Variants in SENP7 observed in about 807,000 individuals in gnomAD.
SENP7 encodes SUMO specific peptidase 7.
Under a neutral mutation model 141.2 loss-of-function variants are expected in SENP7, and 64 were observed. The ratio of observed to expected loss-of-function variants is 0.45; its 90% CI spans 0.37 to 0.56. The LOEUF (loss-of-function observed/expected upper bound fraction) is 0.56. Ranked by LOEUF, SENP7 falls within the 20% of genes least tolerant of loss-of-function variation. The pLI, the probability that SENP7 is intolerant of heterozygous loss-of-function variation, is 0.00. For missense variants in SENP7, 1,025 were observed against 1,212.2 expected (o/e 0.85, Z 2.29); for synonymous variants, 382 against 426.4 (o/e 0.90, Z 1.28).
chr3:101,335,536 T>C (rs902970234), intron 17 of SENP7, among the ~76,000 whole-genome samples: 5 of 152,172 alleles, frequency 3.3e-5, no homozygotes, highest in African/African-American at 4.8e-5. Flanking sequence ...TGTAGTATCT[T>C]ATGCATCTTA....
At chr3:101,425,083 T>C (rs2061916418) in intron 4 of SENP7, among the ~76,000 whole-genome samples, 1 of 152,238 alleles carries the variant, frequency 6.6e-6, no homozygotes, top group African/African-American at 2.4e-5. Flanking sequence ...CACATGGAAC[T>C]GTGAGTCTAT....
chr3:101,490,670 G>A (rs1045831955), intron 3 of SENP7, among the ~76,000 whole-genome samples: 7 of 152,054 alleles, frequency 4.6e-5, no homozygotes, highest in Non-Finnish European at 1.0e-4. Context: ...TCTTAAGATT[G>A]CCTGTTTAAT....
chr3:101,364,285 A>AT (rs2059979948), intron 10 of SENP7, among the ~76,000 whole-genome samples: 1 of 148,620 alleles, frequency 6.7e-6, no homozygotes, highest in South Asian at 2.1e-4. Context: ...TTTGAACCTT[A>AT]TTTTAGACCT....
chr3:101,428,070 C>T (rs1474070589), intron 4 of SENP7, among the ~76,000 whole-genome samples: 1 of 152,126 alleles, frequency 6.6e-6, no homozygotes, highest in Non-Finnish European at 1.5e-5. Context: ...TGTATATGTG[C>T]CATGTTTTCT....
Position 101,367,894 on chromosome 3 carries a change from C to A in SENP7, c.914G>T (p.Arg305Met), listed in dbSNP as rs1399086095. Residue 305 changes from arginine to methionine, a missense_variant, in exon 8 of 24, where the codon AGG (arginine) becomes ATG (methionine). Transcript: ENST00000394095. The stretch of plus-strand genomic sequence containing the variant: ...AGAATCAGGTAAATTATTTCTAAGC[C>A]TTCTCTTTGTCTTCCTGGAAATCAG... ...LTLISRKTKR[R>M]LRNNLPDSQY... 6.2e-7 allele frequency: 1 copy of A among 1,611,224 alleles called. No individual in the cohort carries two copies. Among genetic ancestry groups the A allele is most frequent in the Non-Finnish European group, 8.5e-7 (1 of 1,177,918 alleles).
chr3:101,481,361 T>TA (rs1256089558), intron 3 of SENP7, among the ~76,000 whole-genome samples: 2 of 152,224 alleles, frequency 1.3e-5, no homozygotes, highest in Non-Finnish European at 2.9e-5. Flanking sequence ...TGAAGGTCAT[T>TA]ATGTTAAGTG....
chr3:101,414,601 A>C, intron 5 of SENP7: 1 of 1,603,848 alleles, frequency 6.2e-7, no homozygotes, highest in Non-Finnish European at 8.5e-7. Flanking sequence ...GACCAAGAAG[A>C]TGAAGGAAGC....
Position 101,456,085 on chromosome 3 carries a change from A to C in SENP7, c.284+2870T>G, listed in dbSNP as rs530170136. Among the ~76,000 whole-genome samples, 3 of 152,322 alleles carry C rather than the reference A, an allele frequency of 2.0e-5. No homozygotes were observed. The East Asian group carries it at 5.8e-4, about 29-fold the overall frequency. ...TAATATTCATACACATTCCCCGGAAATATTTTATGAACATTTTAACATTGT... is the reference window on the plus strand; with the variant it reads ...TAATATTCATACACATTCCCCGGAACTATTTTATGAACATTTTAACATTGT... On this transcript the variant is annotated intron_variant, in intron 4 of 23. Transcript: ENST00000394095.
chr3:101,463,398 CATATAT>C (rs1257100584), intron 3 of SENP7, among the ~76,000 whole-genome samples: 5 of 58,694 alleles, frequency 8.5e-5, no homozygotes, highest in Non-Finnish European at 1.7e-4. Context: ...TATATATATA[CATATAT>C]ATATATATAT....
chr3:101,459,147 G>A (rs763854820), intron 3 of SENP7, 95 bp from the exon 4 acceptor site: 10 of 634,094 alleles, frequency 1.6e-5, no homozygotes, highest in Admixed American at 1.1e-4. Flanking sequence ...TGTTATAAAC[G>A]ATCAAATACA....
At chr3:101,510,843 C>CAAAAAAAAAA (rs377579284) in intron 1 of SENP7, among the ~76,000 whole-genome samples, 15 of 78,336 alleles carry the variant, frequency 1.9e-4, no homozygotes, top group East Asian at 4.0e-4. Context: ...GACTCCATCT[C>CAAAAAAAAAA]AAAAAAAAAA....
chr3:101,426,880 A>C lies in SENP7; in HGVS notation c.285-9090T>G, dbSNP rs146106859. On this transcript the variant is annotated intron_variant, in intron 4 of 23. Coordinates refer to ENST00000394095, the MANE Select transcript of SENP7 (RefSeq NM_020654.5). ...GAAAGAAGCACTAAATATGGAAAGG[A>C]AACAATGTTACCAGCCACTACAGAA... Among the ~76,000 whole-genome samples the C allele has an allele frequency of 3.1e-3, 467 of 152,308 alleles. 5 individuals carry two copies. Among genetic ancestry groups the C allele is most frequent in the African/African-American group, 0.01 (430 of 41,586 alleles).
intron 13 of SENP7, among the ~76,000 whole-genome samples, chr3:101,346,524 T>C (rs551442): frequency 0.32 from 48,039 of 152,016 alleles, 8,139 homozygotes; most frequent in Non-Finnish European, 0.38. Context: ...CATCAATCAA[T>C]GAGTGGATAA....
chr3:101,365,426 A>G (rs1294119975), intron 9 of SENP7, among the ~76,000 whole-genome samples: 13 of 150,680 alleles, frequency 8.6e-5, no homozygotes, highest in Admixed American at 6.6e-4. Flanking sequence ...CCCTGAGGTC[A>G]GGAGTTCAAG....
At chr3:101,354,708 T>C (rs1253118507) in intron 11 of SENP7, among the ~76,000 whole-genome samples, 1 of 152,136 alleles carries the variant, frequency 6.6e-6, no homozygotes, top group Non-Finnish European at 1.5e-5. Context: ...TTCACATGTA[T>C]ATGTCTTTAT....
chr3:101,487,598 T>C (rs2064785559), intron 3 of SENP7, among the ~76,000 whole-genome samples: 1 of 152,234 alleles, frequency 6.6e-6, no homozygotes, highest in African/African-American at 2.4e-5. Flanking sequence ...TTTGAGGTTT[T>C]ACATTTAAAT....
At chr3:101,484,952 A>G (rs2108056791) in intron 3 of SENP7, among the ~76,000 whole-genome samples, 1 of 152,118 alleles carries the variant, frequency 6.6e-6, no homozygotes, top group South Asian at 2.1e-4. Flanking sequence ...CCTTCATTTT[A>G]CCTGGTAGCT....
chr3:101,472,077 T>G (rs2064021037), intron 3 of SENP7, among the ~76,000 whole-genome samples: 1 of 152,222 alleles, frequency 6.6e-6, no homozygotes, highest in Non-Finnish European at 1.5e-5. Flanking sequence ...GTTCAACCAT[T>G]GTAGAAGACA....
At chr3:101,345,544 G>A (rs371649706) in intron 13 of SENP7, among the ~76,000 whole-genome samples, 169 of 152,208 alleles carry the variant, frequency 1.1e-3, no homozygotes, top group Non-Finnish European at 1.1e-3. Context: ...CAATTTGGTC[G>A]CTGTTGGTGT....
Sources: gnomAD v4.1 joint callset for allele counts (sites outside exome capture counted in the v4.1 genomes callset) on GRCh38, gnomAD v4.1.1 for gene constraint, MANE v1.5 for transcripts, NCBI Gene and HGNC (gene_info 2026-07-23, HGNC 2026-07-21) for gene names.